ADD1: variants seen among roughly 807,000 people sequenced by gnomAD.
The protein encoded by ADD1 is adducin 1.
ADD1 carries 24 observed loss-of-function variants against 80.5 expected under a neutral mutation model. The observed-to-expected ratio is 0.30, with a 90% CI of 0.22 to 0.42. The LOEUF (loss-of-function observed/expected upper bound fraction) is 0.42. Among genes scored for constraint, ADD1 ranks in the 10% least tolerant of loss-of-function variants. The pLI, the probability that ADD1 is intolerant of heterozygous loss-of-function variation, is 1.00. For synonymous variants in ADD1, 373 were observed against 393.8 expected (o/e 0.95, Z 0.63); for missense variants, 948 against 1,019.0 (o/e 0.93, Z 0.95).
At chr4:2,925,980 C>G (rs761321358) in intron 14 of ADD1, 34 bp from the exon 15 acceptor site, 2 of 1,598,482 alleles carry the variant, frequency 1.3e-6, no homozygotes, top group Non-Finnish European at 1.7e-6. Context: ...GTGGCGTCCA[C>G]AGCTCCTACC....
chr4:2,851,471 A>C (rs1280292759), intron 1 of ADD1, among the ~76,000 whole-genome samples: 1 of 152,198 alleles, frequency 6.6e-6, no homozygotes, highest in Non-Finnish European at 1.5e-5. Flanking sequence ...CAGAAGATGC[A>C]ATAGAGAGCC....
At chr4:2,880,711 G>A (rs944820536) in intron 2 of ADD1, among the ~76,000 whole-genome samples, 1 of 151,564 alleles carries the variant, frequency 6.6e-6, no homozygotes, top group Non-Finnish European at 1.5e-5. Context: ...TCCTGACCTC[G>A]TGATCCGCCC....
chr4:2,924,572 G>A (rs565056194), intron 14 of ADD1, among the ~76,000 whole-genome samples: 5 of 152,316 alleles, frequency 3.3e-5, no homozygotes, highest in South Asian at 2.1e-4. Flanking sequence ...CTCCTGGGCC[G>A]TCGTCATCCT....
intron 1 of ADD1, among the ~76,000 whole-genome samples, chr4:2,866,639 A>G (rs954540943): frequency 6.6e-6 from 1 of 152,182 alleles, no homozygotes; most frequent in African/African-American, 2.4e-5. Context: ...TGAACTACAC[A>G]GAAGAGCCCC....
chr4:2,885,678 C>T (rs779768083), intron 4 of ADD1, among the ~76,000 whole-genome samples: 14 of 151,586 alleles, frequency 9.2e-5, no homozygotes, highest in South Asian at 2.1e-4. Context: ...GGTGCAATCT[C>T]GGCTCACTGC....
At chr4:2,896,529 CAT>C (rs1167450439) in intron 6 of ADD1, among the ~76,000 whole-genome samples, 1 of 152,024 alleles carries the variant, frequency 6.6e-6, no homozygotes, top group African/African-American at 2.4e-5. Context: ...GTTTTAATGT[CAT>C]GTGTGTTGGA....
At chr4:2,854,408 A>G (rs578029861) in intron 1 of ADD1, among the ~76,000 whole-genome samples, 1 of 152,302 alleles carries the variant, frequency 6.6e-6, no homozygotes, top group South Asian at 2.1e-4. Context: ...GTATATCTCT[A>G]ATGATCTAAC....
intron 1 of ADD1, among the ~76,000 whole-genome samples, chr4:2,865,951 G>C (rs1729479237): frequency 6.6e-6 from 1 of 152,210 alleles, no homozygotes. Flanking sequence ...TTCAGGACAT[G>C]TGGCTCAGAA....
At chr4:2,855,947 C>T (rs1727991786) in intron 1 of ADD1, among the ~76,000 whole-genome samples, 1 of 151,692 alleles carries the variant, frequency 6.6e-6, no homozygotes, top group African/African-American at 2.4e-5. Flanking sequence ...GATCTGCCTG[C>T]CTCAGTCTCC....
chr4:2,899,517 C>T lies in ADD1; in HGVS notation c.1161+82C>T, dbSNP rs1735821386. 2.0e-6 allele frequency: 3 copies of T among 1,500,686 alleles called. No individual in the cohort carries two copies. The African/African-American group carries it at 4.1e-5, about 21-fold the overall frequency. 93.0% of individuals were successfully genotyped at this position (1,500,686 alleles called of 1,614,324 possible). A position where few individuals can be genotyped will look rare whatever the true frequency, so the allele number is the denominator to read the frequency against. Reference sequence around the variant, plus strand: ...GGTGTTCTTACAGCAAGTGCGATTGCTGTCTTTTATGCAGTATCTGAATAC... The same window carrying T: ...GGTGTTCTTACAGCAAGTGCGATTGTTGTCTTTTATGCAGTATCTGAATAC... On this transcript the variant is annotated intron_variant, in intron 9 of 15. Transcript: ENST00000683351.
intron 4 of ADD1, among the ~76,000 whole-genome samples, chr4:2,888,332 G>C (rs1038611384): frequency 6.6e-6 from 1 of 151,676 alleles, no homozygotes; most frequent in African/African-American, 2.4e-5. Context: ...GCCTGCCTCG[G>C]CCTCCCAAAG....
At chr4:2,885,889 C>T (rs536843330) in intron 4 of ADD1, among the ~76,000 whole-genome samples, 34 of 152,144 alleles carry the variant, frequency 2.2e-4, no homozygotes, top group Middle Eastern at 3.4e-3. Context: ...GGATTACAGG[C>T]GTGAGCCACC....
intron 1 of ADD1, among the ~76,000 whole-genome samples, chr4:2,870,038 A>G (rs998032860): frequency 1.4e-4 from 21 of 152,190 alleles, no homozygotes; most frequent in African/African-American, 5.1e-4. Flanking sequence ...TCTTCTTCCT[A>G]GTTTCAGCCG....
At chr4:2,861,501 G>A (rs1428169549) in intron 1 of ADD1, among the ~76,000 whole-genome samples, 2 of 152,206 alleles carry the variant, frequency 1.3e-5, no homozygotes, top group African/African-American at 4.8e-5. Context: ...TTAGGTTTGA[G>A]TAGACTTTAA....
intron 4 of ADD1, among the ~76,000 whole-genome samples, chr4:2,893,703 A>C (rs1158731622): frequency 6.6e-6 from 1 of 152,192 alleles, no homozygotes; most frequent in South Asian, 2.1e-4. Context: ...AGTAGCCACC[A>C]GAAAGTGTGA....
At chr4:2,847,121 A>G (rs1156862371) in intron 1 of ADD1, among the ~76,000 whole-genome samples, 5 of 151,966 alleles carry the variant, frequency 3.3e-5, no homozygotes, top group Middle Eastern at 3.4e-3. Context: ...TCCGTCTCAA[A>G]AAAACAAAAA....
intron 1 of ADD1, among the ~76,000 whole-genome samples, chr4:2,846,185 T>C (rs1726173152): frequency 6.6e-6 from 1 of 152,212 alleles, no homozygotes; most frequent in African/African-American, 2.4e-5. Context: ...TCGATCCACA[T>C]GCTATCTATA....
At position 2,898,419 on chromosome 4, in the gene ADD1, A is replaced by T. The variant is rs764302827; in HGVS notation, c.886-14A>T. On this transcript the variant is annotated splice_polypyrimidine_tract_variant and intron_variant, in intron 7 of 15. Coordinates refer to ENST00000683351, the MANE Select transcript of ADD1 (RefSeq NM_001354761.2). ...TCCTGCCCAGCTCCACAGAGCATTCATGCTTCCCCTCAGGTTCTTATTCTC... is the reference window on the plus strand; with the variant it reads ...TCCTGCCCAGCTCCACAGAGCATTCTTGCTTCCCCTCAGGTTCTTATTCTC... 1.2e-6 allele frequency: 2 copies of T among 1,614,110 alleles called. No individual in the cohort carries two copies. Among genetic ancestry groups the T allele is most frequent in the South Asian group, 2.2e-5 (2 of 91,082 alleles).
At chr4:2,927,209 C>T (rs1711895234) in intron 15 of ADD1, among the ~76,000 whole-genome samples, 1 of 152,238 alleles carries the variant, frequency 6.6e-6, no homozygotes, top group South Asian at 2.1e-4. Flanking sequence ...ACACCATGCC[C>T]AGCAGAGCGG....
Sources: allele counts gnomAD v4.1 joint callset (sites outside exome capture counted in the v4.1 genomes callset), GRCh38; gene constraint gnomAD v4.1.1; transcripts MANE v1.5; gene names NCBI Gene and HGNC (gene_info 2026-07-23, HGNC 2026-07-21).